CDH12: variants seen among roughly 807,000 people sequenced by gnomAD.
The protein encoded by CDH12 is cadherin-12.
CDH12 carries 41 observed loss-of-function variants against 74.1 expected under a neutral mutation model. That is an observed-to-expected ratio of 0.55 (90% CI 0.43 to 0.72). CDH12 has a LOEUF of 0.72. CDH12 is among the 30% of genes least tolerant of loss of function. The pLI is 0.00. For synonymous variants in CDH12, 399 were observed against 355.0 expected (o/e 1.12, Z -1.39); for missense variants, 945 against 977.2 (o/e 0.97, Z 0.44).
At chr5:22,373,321 A>AGTGG (rs1171859180) in intron 3 of CDH12, among the ~76,000 whole-genome samples, 7 of 152,152 alleles carry the variant, frequency 4.6e-5, no homozygotes, top group African/African-American at 1.7e-4. Flanking sequence ...AGCCACCACT[A>AGTGG]GTGCCAGCAT....
intron 1 of CDH12, among the ~76,000 whole-genome samples, chr5:22,720,357 C>A (rs374843335): frequency 2.0e-5 from 3 of 152,100 alleles, no homozygotes; most frequent in Non-Finnish European, 4.4e-5. Context: ...CTTCACCTTG[C>A]GCCATGATTG....
At chr5:22,649,450 T>G (rs1263805877) in intron 1 of CDH12, among the ~76,000 whole-genome samples, 1 of 151,978 alleles carries the variant, frequency 6.6e-6, no homozygotes, top group Admixed American at 6.6e-5. Context: ...ACTCATATTT[T>G]TCACATACTA....
chr5:22,841,456 C>T (rs1218136388), intron 1 of CDH12, among the ~76,000 whole-genome samples: 6 of 151,952 alleles, frequency 3.9e-5, no homozygotes, highest in Admixed American at 3.9e-4. Flanking sequence ...TATTAGATAT[C>T]CAAGTAGATA....
At chr5:22,450,110 T>G (rs1428908972) in intron 2 of CDH12, among the ~76,000 whole-genome samples, 1 of 152,016 alleles carries the variant, frequency 6.6e-6, no homozygotes, top group African/African-American at 2.4e-5. Flanking sequence ...TTTCTATGAC[T>G]TCTGAAATCT....
intron 6 of CDH12, chr5:21,884,217 G>A (rs1186440583): frequency 3.2e-6 from 5 of 1,566,776 alleles, no homozygotes; most frequent in Non-Finnish European, 4.4e-6. Flanking sequence ...AACTACAGCA[G>A]AAGTTGTAGT....
chr5:22,415,211 G>T (rs891511726), intron 2 of CDH12, among the ~76,000 whole-genome samples: 1 of 147,026 alleles, frequency 6.8e-6, no homozygotes, highest in African/African-American at 2.6e-5. Context: ...ATAATAAAGG[G>T]GAAAATTGAC....
chr5:22,452,112 C>T (rs886502220), intron 2 of CDH12, among the ~76,000 whole-genome samples: 2 of 151,796 alleles, frequency 1.3e-5, no homozygotes, highest in African/African-American at 2.4e-5. Context: ...AGTTTATAAA[C>T]TGGAAGAATT....
chr5:22,771,156 T>G (rs1178863753), intron 1 of CDH12, among the ~76,000 whole-genome samples: 1 of 152,140 alleles, frequency 6.6e-6, no homozygotes, highest in African/African-American at 2.4e-5. Context: ...TGGTTTATTT[T>G]GTCAAATCCT....
At chr5:22,629,408 TCCA>T (rs1738465218) in intron 1 of CDH12, among the ~76,000 whole-genome samples, 1 of 151,974 alleles carries the variant, frequency 6.6e-6, no homozygotes, top group African/African-American at 2.4e-5. Context: ...CAAAATCGAA[TCCA>T]CCTAGATTAA....
intron 5 of CDH12, among the ~76,000 whole-genome samples, chr5:22,006,109 C>T (rs1693344053): frequency 6.6e-6 from 1 of 152,174 alleles, no homozygotes; most frequent in South Asian, 2.1e-4. Flanking sequence ...TTATCAGTTT[C>T]CTGTGCATGG....
At chr5:22,058,681 G>A (rs976940223) in intron 5 of CDH12, among the ~76,000 whole-genome samples, 3 of 93,096 alleles carry the variant, frequency 3.2e-5, no homozygotes, top group East Asian at 6.2e-4. Flanking sequence ...GAGAAAAAAA[G>A]AAAGAAAGAA....
In CDH12 at chr5:22,078,754, T is replaced by C; in HGVS notation, c.-78A>G. ...AATTGTGGAATCCAGGTTTGAGGTG[T>C]CTGTGGCCTCCACCACTTAGCTTCT... On this transcript the variant is annotated 5_prime_UTR_variant, in exon 5 of 15. Transcript: ENST00000382254. 6.4e-7 allele frequency: 1 copy of C among 1,551,106 alleles called. No homozygotes were observed. The highest frequency in any genetic ancestry group is 8.7e-7 in the Non-Finnish European group (1 of 1,151,416).
chr5:22,455,262 G>T (rs560331253), intron 2 of CDH12, among the ~76,000 whole-genome samples: 1 of 152,262 alleles, frequency 6.6e-6, no homozygotes, highest in South Asian at 2.1e-4. Context: ...AGCTAAAGTG[G>T]TGGGGAAAAA....
intron 4 of CDH12, among the ~76,000 whole-genome samples, chr5:22,155,498 T>C (rs531540352): frequency 2.6e-5 from 4 of 152,314 alleles, no homozygotes; most frequent in African/African-American, 9.6e-5. Context: ...TTAATCATGC[T>C]ACTACCTAAT....
In CDH12 at chr5:21,975,192, G is replaced by C. The variant is rs1355478602; in HGVS notation, c.425C>G (p.Pro142Arg). Residue 142 changes from proline to arginine, a missense_variant, in exon 6 of 15, where the codon CCT (proline) becomes CGT (arginine). Pro to Arg is a moderately radical substitution (Grantham distance 103). Around this residue, in one of 3 missense-constraint regions of CDH12, gnomAD observed 6 missense variants for 21.7 expected, o/e 0.28. Coordinates refer to ENST00000382254, the MANE Select transcript of CDH12 (RefSeq NM_004061.5). ...VDIETRKPLE[P>R]ESEFIIKVQD... Reference sequence around the variant, plus strand: ...CACTTTGATGATGAATTCTGATTCAGGCTCCAGGGGCTTTCTGGTTTCTAT... The same window carrying C: ...CACTTTGATGATGAATTCTGATTCACGCTCCAGGGGCTTTCTGGTTTCTAT... 1 of 1,596,934 alleles carries C rather than the reference G, an allele frequency of 6.3e-7. No homozygotes were observed. Among genetic ancestry groups the C allele is most frequent in the East Asian group, 2.2e-5 (1 of 44,826 alleles).
At chr5:22,153,340 A>G (rs1747740651) in intron 4 of CDH12, among the ~76,000 whole-genome samples, 1 of 151,586 alleles carries the variant, frequency 6.6e-6, no homozygotes, top group Non-Finnish European at 1.5e-5. Context: ...ATGCATTTTT[A>G]AGACCCCCCT....
chr5:22,383,158 A>G lies in CDH12; in HGVS notation c.-333+22099T>C, dbSNP rs577417387. 8.5e-5 allele frequency among the ~76,000 whole-genome samples: 13 copies of G among 152,232 alleles called. No individual in the cohort carries two copies. In the South Asian group the frequency reaches 2.7e-3, roughly 32 times the overall value. On this transcript the variant is annotated intron_variant, in intron 3 of 14. Transcript: ENST00000382254. ...GTATTCAAATTTCATAACTAAATCA[A>G]TCTAATTGCAAATGGTGTGTTGGCA...
chr5:22,067,407 TTAG>T, intron 5 of CDH12, among the ~76,000 whole-genome samples: 1 of 152,146 alleles, frequency 6.6e-6, no homozygotes, highest in Non-Finnish European at 1.5e-5. Context: ...GACACAACAC[TTAG>T]TAGATCCTTT....
intron 1 of CDH12, among the ~76,000 whole-genome samples, chr5:22,687,913 C>A (rs914269023): frequency 4.6e-5 from 7 of 152,064 alleles, no homozygotes; most frequent in Non-Finnish European, 8.8e-5. Context: ...ACAAAATAAG[C>A]TCTGTCTCTT....
Sources: gnomAD v4.1 joint callset for allele counts (sites outside exome capture counted in the v4.1 genomes callset) on GRCh38, gnomAD v4.1.1 for gene constraint, gnomAD v4.1.1 regional missense constraint, MANE v1.5 for transcripts, NCBI Gene and HGNC (gene_info 2026-07-23, HGNC 2026-07-21) for gene names.